The following SNRK variants were observed in gnomAD, a reference collection of about 807,000 sequenced individuals.
SNRK encodes the protein SNF-related serine/threonine-protein kinase.
In SNRK, 3 loss-of-function variants were observed where a neutral mutation model predicts 48.2. That is an observed-to-expected ratio of 0.06 (90% confidence interval 0.03 to 0.16). The LOEUF (loss-of-function observed/expected upper bound fraction) is 0.16, where lower values mean the gene tolerates loss of function less well. Among genes scored for constraint, SNRK ranks in the 10% least tolerant of loss-of-function variants. The pLI is 1.00. For synonymous variants in SNRK, 376 were observed against 366.1 expected (o/e 1.03, Z -0.31); for missense variants, 627 against 976.0 (o/e 0.64, Z 4.76).
At chr3:43,308,273 T>C (rs1486684529) in intron 3 of SNRK, among the ~76,000 whole-genome samples, 1 of 152,210 alleles carries the variant, frequency 6.6e-6, no homozygotes, top group East Asian at 1.9e-4. Flanking sequence ...CCAGAAGATC[T>C]AGCTAAGATA....
chr3:43,312,308 C>A (rs998211319), intron 3 of SNRK, among the ~76,000 whole-genome samples: 3 of 152,184 alleles, frequency 2.0e-5, no homozygotes, highest in Admixed American at 6.5e-5. Context: ...TATACACTCT[C>A]TACAACATTT....
chr3:43,332,394 T>G, intron 4 of SNRK, 84 bp downstream of exon 4: 1 of 996,672 alleles, frequency 1.0e-6, no homozygotes, highest in Non-Finnish European at 1.4e-6. Context: ...CAAGAAAATT[T>G]GAGAGGACTT....
chr3:43,286,841 G>T (rs1402818721), intron 1 of SNRK, among the ~76,000 whole-genome samples, 166 bp downstream of exon 1: 1 of 146,086 alleles, frequency 6.8e-6, no homozygotes, highest in African/African-American at 2.5e-5. Flanking sequence ...GCCGCAGCGC[G>T]CGGCCCGGGA....
At chr3:43,297,709 G>A (rs1300857154) in intron 1 of SNRK, among the ~76,000 whole-genome samples, 1 of 151,926 alleles carries the variant, frequency 6.6e-6, no homozygotes. Context: ...GTGAAAAAAT[G>A]TAAAGGAGTA....
chr3:43,308,749 G>A (rs1237232599), intron 3 of SNRK, among the ~76,000 whole-genome samples: 1 of 152,178 alleles, frequency 6.6e-6, no homozygotes, highest in Non-Finnish European at 1.5e-5. Context: ...AGATAACACA[G>A]CATCCATTCT....
At chr3:43,302,130 A>G (rs958383904) in intron 2 of SNRK, among the ~76,000 whole-genome samples, 1 of 152,184 alleles carries the variant, frequency 6.6e-6, no homozygotes, top group Non-Finnish European at 1.5e-5. Flanking sequence ...ACAGTTGGAA[A>G]ACAATCATTA....
At chr3:43,306,461 TTTA>T (rs1268007915) in intron 3 of SNRK, among the ~76,000 whole-genome samples, 2 of 152,158 alleles carry the variant, frequency 1.3e-5, no homozygotes, top group Non-Finnish European at 2.9e-5. Flanking sequence ...AATTGTCTAT[TTTA>T]TTATTATTTT....
chr3:43,290,592 T>C (rs562956079), intron 1 of SNRK, among the ~76,000 whole-genome samples: 1 of 152,310 alleles, frequency 6.6e-6, no homozygotes, highest in African/African-American at 2.4e-5. Flanking sequence ...CATTTTTAAG[T>C]CTTTAAGTAA....
chr3:43,336,465 A>G (rs1575557005), intron 4 of SNRK, among the ~76,000 whole-genome samples: 1 of 152,094 alleles, frequency 6.6e-6, no homozygotes, highest in East Asian at 1.9e-4. Context: ...CTGAGTAGCT[A>G]GGACTACAGG....
intron 3 of SNRK, among the ~76,000 whole-genome samples, chr3:43,320,022 A>T (rs1402190629): frequency 1.3e-5 from 2 of 152,206 alleles, no homozygotes; most frequent in African/African-American, 4.8e-5. Flanking sequence ...AACTATTTGG[A>T]TGAACACAAA....
intron 3 of SNRK, among the ~76,000 whole-genome samples, chr3:43,310,551 T>C (rs190150002): frequency 7.9e-4 from 120 of 152,338 alleles, no homozygotes; most frequent in Non-Finnish European, 1.6e-3. Flanking sequence ...ATTATTTTTA[T>C]TGTGCTTTGT....
chr3:43,315,796 C>T (rs1431169735), intron 3 of SNRK, among the ~76,000 whole-genome samples: 1 of 152,196 alleles, frequency 6.6e-6, no homozygotes, highest in Non-Finnish European at 1.5e-5. Flanking sequence ...AAGAAACGAA[C>T]AACGTATCCA....
intron 3 of SNRK, among the ~76,000 whole-genome samples, chr3:43,309,497 A>C (rs2090962984): frequency 1.3e-5 from 2 of 152,324 alleles, no homozygotes; most frequent in South Asian, 4.1e-4. Context: ...CAGCCATGCC[A>C]ACCTTCAGCA....
intron 5 of SNRK, 39 bp from the exon 6 acceptor site, chr3:43,343,305 T>C (rs769134362): frequency 3.9e-6 from 6 of 1,548,368 alleles, no homozygotes; most frequent in South Asian, 2.5e-5. Context: ...AAAAACCTCC[T>C]GATATGGCTG....
chr3:43,341,182 G>A (rs1178995257), intron 5 of SNRK, among the ~76,000 whole-genome samples: 1 of 150,394 alleles, frequency 6.6e-6, no homozygotes, highest in Non-Finnish European at 1.5e-5. Flanking sequence ...ATGGAGTCTC[G>A]CTCTGTCGCT....
intron 1 of SNRK, among the ~76,000 whole-genome samples, chr3:43,299,204 G>T (rs557466319): frequency 2.0e-5 from 3 of 152,108 alleles, no homozygotes; most frequent in Non-Finnish European, 2.9e-5. Flanking sequence ...TTGAGATGGA[G>T]TCTCGCTTTG....
Position 43,296,419 on chromosome 3 carries a change from T to TATATATATATATAC in SNRK, c.-168-3322_-168-3321insCATATATATATATA, listed in dbSNP as rs1553632583. The stretch of plus-strand genomic sequence containing the variant: ...TGTATTAGATGGATATACTGGCATA[T>TATATATATATATAC]ATATATATATATATGTATATATATA... On this transcript the variant is annotated intron_variant, in intron 1 of 6. Transcript: ENST00000296088. 1.0e-3 allele frequency among the ~76,000 whole-genome samples: 151 copies of TATATATATATATAC among 143,948 alleles called. 1 individual carries two copies. Among genetic ancestry groups the TATATATATATATAC allele is most frequent in the African/African-American group, 3.1e-3 (120 of 38,898 alleles). The allele number at this position is 143,948 out of a possible 152,430, so 94.4% of individuals were successfully genotyped here.
At chr3:43,345,858 A>G (rs2091271583) in intron 6 of SNRK, among the ~76,000 whole-genome samples, 1 of 152,242 alleles carries the variant, frequency 6.6e-6, no homozygotes, top group Non-Finnish European at 1.5e-5. Context: ...TAACTTTGTT[A>G]AAAATATGAA....
chr3:43,325,324 C>T (rs1184163216), intron 3 of SNRK, among the ~76,000 whole-genome samples: 1 of 152,178 alleles, frequency 6.6e-6, no homozygotes, highest in Non-Finnish European at 1.5e-5. Flanking sequence ...CGCCACCGCG[C>T]CCGGCTAATT....
Sources: allele counts gnomAD v4.1 joint callset (sites outside exome capture counted in the v4.1 genomes callset), GRCh38; gene constraint gnomAD v4.1.1; transcripts MANE v1.5; gene names NCBI Gene and HGNC (gene_info 2026-07-23, HGNC 2026-07-21).